SCOC: variants seen among roughly 807,000 people sequenced by gnomAD.
SCOC encodes short coiled-coil protein.
Under a neutral mutation model 9.9 loss-of-function variants are expected in SCOC, and 7 were observed. The observed-to-expected ratio is 0.71, with a 90% CI of 0.40 to 1.33. The LOEUF (loss-of-function observed/expected upper bound fraction) is 1.33. Among genes scored for constraint, SCOC ranks in the 40% most tolerant of loss-of-function variants. The pLI, the probability that SCOC is intolerant of heterozygous loss-of-function variation, is 0.01. For synonymous variants in SCOC, 19 were observed against 28.2 expected (o/e 0.67, Z 1.03); for missense variants, 66 against 89.7 (o/e 0.74, Z 1.07).
chr4:140,367,860 G>A (rs1727868890), intron 2 of SCOC, among the ~76,000 whole-genome samples: 1 of 152,198 alleles, frequency 6.6e-6, no homozygotes, highest in Non-Finnish European at 1.5e-5. Flanking sequence ...GGTGCCAAAA[G>A]CTGGATGGTC....
intron 1 of SCOC, among the ~76,000 whole-genome samples, chr4:140,281,584 T>G (rs1409949094): frequency 1.3e-5 from 2 of 152,248 alleles, no homozygotes; most frequent in African/African-American, 4.8e-5. Context: ...TCAGTCTTTT[T>G]CATCCTGGAT....
At chr4:140,276,605 G>A (rs1006272841) in intron 1 of SCOC, among the ~76,000 whole-genome samples, 6 of 152,010 alleles carry the variant, frequency 3.9e-5, no homozygotes, top group Middle Eastern at 3.4e-3. Context: ...ACAGGTGTGC[G>A]CCACCACACC....
intron 2 of SCOC, among the ~76,000 whole-genome samples, chr4:140,362,294 T>C (rs1390655336): frequency 1.5e-3 from 34 of 22,872 alleles, no homozygotes; most frequent in African/African-American, 3.8e-3. Context: ...CTTCTTCTTC[T>C]TCTTCTTTTT....
At chr4:140,363,779 G>A (rs1339102964) in intron 2 of SCOC, among the ~76,000 whole-genome samples, 1 of 152,122 alleles carries the variant, frequency 6.6e-6, no homozygotes, top group Non-Finnish European at 1.5e-5. Context: ...CATCTCTCTG[G>A]TAAATTGCCT....
intron 1 of SCOC, among the ~76,000 whole-genome samples, chr4:140,310,770 G>A (rs564175983): frequency 5.3e-5 from 8 of 152,154 alleles, no homozygotes; most frequent in Non-Finnish European, 7.4e-5. Context: ...CTTCTTCTTC[G>A]GATCTCCCCC....
In SCOC at chr4:140,310,744, T is replaced by A. The variant is rs1041534581; in HGVS notation, c.-18-32877T>A. On this transcript the variant is annotated intron_variant, in intron 1 of 4. Transcript: ENST00000394205. Reference sequence around the variant, plus strand: ...GAGTTTCTCCAGGCTCATGGGAAACTCTGCTCTTCCTGTCCCTTCTTCTTC... The same window carrying A: ...GAGTTTCTCCAGGCTCATGGGAAACACTGCTCTTCCTGTCCCTTCTTCTTC... Among the ~76,000 whole-genome samples the A allele has an allele frequency of 2.0e-5, 3 of 152,308 alleles. No individual in the cohort carries two copies. In the Middle Eastern group the frequency reaches 0.01, roughly 518 times the overall value.
intron 1 of SCOC, among the ~76,000 whole-genome samples, chr4:140,300,063 T>C (rs922709094): frequency 6.6e-6 from 1 of 152,180 alleles, no homozygotes; most frequent in Non-Finnish European, 1.5e-5. Flanking sequence ...CTCACTCATA[T>C]GGCTCATCTA....
At chr4:140,303,441 G>T (rs967156267) in intron 1 of SCOC, among the ~76,000 whole-genome samples, 1 of 152,190 alleles carries the variant, frequency 6.6e-6, no homozygotes, top group Non-Finnish European at 1.5e-5. Flanking sequence ...ACCTTGCTTG[G>T]TTATTGGAGC....
upstream of SCOC, among the ~76,000 whole-genome samples, chr4:140,340,808 T>TTTTCC (rs140552446): frequency 8.9e-5 from 10 of 111,876 alleles, no homozygotes; most frequent in Non-Finnish European, 1.6e-4. Flanking sequence ...TTTTTTTTTT[T>TTTTCC]AGAGGGATAG....
intron 2 of SCOC, among the ~76,000 whole-genome samples, chr4:140,359,800 T>C (rs1727384351): frequency 6.6e-6 from 1 of 152,130 alleles, no homozygotes; most frequent in Admixed American, 6.5e-5. Flanking sequence ...CTTTGTACTC[T>C]CTCTAAAGAC....
At chr4:140,358,590 T>G (rs1036013745) in intron 2 of SCOC, among the ~76,000 whole-genome samples, 2 of 152,244 alleles carry the variant, frequency 1.3e-5, no homozygotes, top group African/African-American at 4.8e-5. Context: ...GAACTAAGCC[T>G]TCCTAAGGTG....
At chr4:140,277,454 C>A (rs1731009647) in intron 1 of SCOC, among the ~76,000 whole-genome samples, 1 of 152,138 alleles carries the variant, frequency 6.6e-6, no homozygotes, top group African/African-American at 2.4e-5. Flanking sequence ...ATTGTTATTC[C>A]ATTCCACATC....
rs1728659381 is a variant in SCOC, at chr4:140,384,981, CCCT to C, written c.*3879_*3881del. On this transcript the variant is annotated 3_prime_UTR_variant, in exon 4 of 4. Transcript: ENST00000608372. Reference sequence around the variant, plus strand: ...CAGCAGTCTGCATCTTGGAAGAGGGCCCTCAACACTGATCTCTCAGACTTCCAG... The same window carrying C: ...CAGCAGTCTGCATCTTGGAAGAGGGCCAACACTGATCTCTCAGACTTCCAG... The C allele has an allele frequency of 6.6e-6, 1 of 152,148 alleles. No individual in the cohort carries two copies. Among genetic ancestry groups the C allele is most frequent in the Non-Finnish European group, 1.5e-5 (1 of 68,040 alleles). The allele number at this position is 152,148 out of a possible 1,614,324, so 9.4% of individuals were successfully genotyped here. A position where few individuals can be genotyped will look rare whatever the true frequency, so the allele number is the denominator to read the frequency against.
intron 1 of SCOC, among the ~76,000 whole-genome samples, chr4:140,329,842 C>T (rs1732757810): frequency 6.6e-6 from 1 of 152,170 alleles, no homozygotes; most frequent in Non-Finnish European, 1.5e-5. Flanking sequence ...AACTTTTACA[C>T]TGCTGGGAAC....
At chr4:140,297,258 T>G (rs1037591768) in intron 1 of SCOC, among the ~76,000 whole-genome samples, 1 of 87,858 alleles carries the variant, frequency 1.1e-5, no homozygotes, top group African/African-American at 5.5e-5. Context: ...AGGAGAGCAT[T>G]CTGGTGACTG....
chr4:140,289,005 G>A (rs368191520), intron 1 of SCOC, among the ~76,000 whole-genome samples: 42 of 151,880 alleles, frequency 2.8e-4, no homozygotes, highest in African/African-American at 9.4e-4. Flanking sequence ...TCTCTTCCAT[G>A]TCCACACACA....
intron 1 of SCOC, chr4:140,293,330 C>A: frequency 2.2e-6 from 1 of 456,798 alleles, no homozygotes; most frequent in Admixed American, 2.3e-5. Flanking sequence ...ATCTTTACTG[C>A]CTGTTTCCTC....
chr4:140,297,125 A>C (rs1410287172), intron 1 of SCOC, among the ~76,000 whole-genome samples: 1 of 152,174 alleles, frequency 6.6e-6, no homozygotes, highest in Non-Finnish European at 1.5e-5. Flanking sequence ...TCTCCCATGA[A>C]ATAATGTTTA....
chr4:140,274,067 T>C (rs1481997165), intron 1 of SCOC, among the ~76,000 whole-genome samples: 1 of 152,256 alleles, frequency 6.6e-6, no homozygotes, highest in African/African-American at 2.4e-5. Flanking sequence ...AAATATGTGT[T>C]TTAGAAAGAA....
Sources: allele counts gnomAD v4.1 joint callset (sites outside exome capture counted in the v4.1 genomes callset), GRCh38; gene constraint gnomAD v4.1.1; transcripts MANE v1.5; gene names NCBI Gene and HGNC (gene_info 2026-07-23, HGNC 2026-07-21).